The following STXBP5L variants were observed in gnomAD, a reference collection of about 807,000 sequenced individuals.
STXBP5L encodes the protein syntaxin binding protein 5L.
A neutral mutation model predicts 144.5 loss-of-function variants in STXBP5L; 65 were observed. The observed-to-expected ratio is 0.45, with a 90% CI of 0.37 to 0.55. The LOEUF is 0.55. Ranked by LOEUF, STXBP5L falls within the 20% of genes least tolerant of loss-of-function variation. The probability of loss-of-function intolerance (pLI) is 0.00; values close to 1 mark genes in which losing one functional copy is unlikely to be tolerated. For synonymous variants in STXBP5L, 505 were observed against 469.6 expected (o/e 1.08, Z -0.97); for missense variants, 1,298 against 1,405.5 (o/e 0.92, Z 1.22).
In STXBP5L at chr3:121,090,116, A is replaced by G. The variant is rs1051572099; in HGVS notation, c.471-24809A>G. Among the ~76,000 whole-genome samples, 16 of 152,288 alleles carry G rather than the reference A, an allele frequency of 1.1e-4. No homozygotes were observed. The East Asian group carries it at 3.1e-3, about 29-fold the overall frequency. ...TGAGGTTTTTCTATTTCCTATTATA[A>G]TAAGTGATTTTTAAATTAAAACCTG... On this transcript the variant is annotated intron_variant, in intron 5 of 26. Coordinates refer to ENST00000471454, the MANE Select transcript of STXBP5L (RefSeq NM_001308330.2).
At chr3:121,159,936 T>G (rs954374740) in intron 9 of STXBP5L, among the ~76,000 whole-genome samples, 4 of 152,078 alleles carry the variant, frequency 2.6e-5, no homozygotes, top group Non-Finnish European at 4.4e-5. Flanking sequence ...CCGGCCGACA[T>G]TTTCTAATTG....
chr3:121,207,916 A>T (rs981299412), intron 10 of STXBP5L, among the ~76,000 whole-genome samples: 4 of 152,178 alleles, frequency 2.6e-5, no homozygotes, highest in East Asian at 3.9e-4. Context: ...ATTGTGGAAG[A>T]CAGTGTGGCG....
At position 121,318,474 on chromosome 3, in the gene STXBP5L, G is replaced by A. The variant is rs866849552; in HGVS notation, c.2111-1G>A. On this transcript the variant is annotated splice_acceptor_variant, in intron 19 of 26. Coordinates refer to ENST00000471454, the MANE Select transcript of STXBP5L (RefSeq NM_001308330.2). LOFTEE classifies it high-confidence loss of function. ...CTCATTTTTTTTCATTGTATTTTCA[G>A]GTTTAACTGAACTGAATGACAGTCC... is the stretch of plus-strand genomic sequence containing the variant. 6.4e-7 allele frequency: 1 copy of A among 1,550,706 alleles called. No homozygotes were observed. The highest frequency in any genetic ancestry group is 8.7e-7 in the Non-Finnish European group (1 of 1,151,862).
At chr3:121,288,742 C>T (rs779329374) in intron 19 of STXBP5L, among the ~76,000 whole-genome samples, 14 of 151,882 alleles carry the variant, frequency 9.2e-5, no homozygotes, top group Non-Finnish European at 1.9e-4. Flanking sequence ...AGTATTAAAC[C>T]TTTGTTGGAT....
chr3:121,344,061 A>G (rs1424093466), intron 20 of STXBP5L, among the ~76,000 whole-genome samples: 6 of 151,978 alleles, frequency 3.9e-5, no homozygotes, highest in Non-Finnish European at 5.9e-5. Flanking sequence ...ATATAGATCA[A>G]TGGAACACAA....
chr3:121,298,637 A>G (rs924702271), intron 19 of STXBP5L, among the ~76,000 whole-genome samples: 1 of 152,192 alleles, frequency 6.6e-6, no homozygotes, highest in Non-Finnish European at 1.5e-5. Flanking sequence ...ACATTACACT[A>G]GATGAAATAA....
At chr3:121,293,089 A>G (rs1443338355) in intron 19 of STXBP5L, among the ~76,000 whole-genome samples, 1 of 152,252 alleles carries the variant, frequency 6.6e-6, no homozygotes, top group Admixed American at 6.5e-5. Flanking sequence ...AAGTAAATGG[A>G]TAAACAAATT....
chr3:121,187,128 G>GCA (rs2047417684), intron 9 of STXBP5L, among the ~76,000 whole-genome samples: 1 of 152,054 alleles, frequency 6.6e-6, no homozygotes, highest in Non-Finnish European at 1.5e-5. Flanking sequence ...TGTTTATGGT[G>GCA]GCACTATTCA....
intron 9 of STXBP5L, among the ~76,000 whole-genome samples, chr3:121,204,707 G>C (rs1267944103): frequency 2.1e-5 from 3 of 145,914 alleles, no homozygotes; most frequent in Admixed American, 6.9e-5. Context: ...GGTAATACAA[G>C]AATAAATAAG....
At chr3:121,043,437 G>A (rs1576755649) in intron 4 of STXBP5L, among the ~76,000 whole-genome samples, 1 of 151,868 alleles carries the variant, frequency 6.6e-6, no homozygotes, top group South Asian at 2.1e-4. Context: ...CTGGCCGGGC[G>A]CGGTGGCTCA....
At chr3:121,027,346 C>A (rs933553268) in intron 3 of STXBP5L, among the ~76,000 whole-genome samples, 1 of 152,008 alleles carries the variant, frequency 6.6e-6, no homozygotes, top group African/African-American at 2.4e-5. Context: ...ATATCAGGGT[C>A]AAGAGGAACT....
chr3:120,976,564 A>C (rs868361320), intron 3 of STXBP5L, among the ~76,000 whole-genome samples: 14 of 152,008 alleles, frequency 9.2e-5, no homozygotes, highest in Non-Finnish European at 1.6e-4. Context: ...CTCTGATTTT[A>C]GTTATTTCTT....
chr3:121,232,765 G>A (rs184197997), intron 11 of STXBP5L, among the ~76,000 whole-genome samples: 1 of 152,286 alleles, frequency 6.6e-6, no homozygotes, highest in East Asian at 1.9e-4. Flanking sequence ...GGAGACAGAT[G>A]TCAAATCTGT....
chr3:121,016,470 T>C (rs1560005556), intron 3 of STXBP5L, among the ~76,000 whole-genome samples: 2 of 152,180 alleles, frequency 1.3e-5, no homozygotes. Context: ...ATAAATGACT[T>C]TGATGTACGT....
intron 1 of STXBP5L, among the ~76,000 whole-genome samples, chr3:120,908,630 A>T (rs1380225704): frequency 6.7e-6 from 1 of 149,866 alleles, no homozygotes; most frequent in Non-Finnish European, 1.5e-5. Context: ...GGCCTGGGGG[A>T]GGGACAGCGG....
At chr3:121,275,197 A>G (rs1355563067) in intron 18 of STXBP5L, among the ~76,000 whole-genome samples, 1 of 151,818 alleles carries the variant, frequency 6.6e-6, no homozygotes, top group African/African-American at 2.4e-5. Context: ...AAACTTTCTT[A>G]TTTTTCAGAA....
intron 3 of STXBP5L, among the ~76,000 whole-genome samples, chr3:121,000,879 C>T (rs967917716): frequency 1.3e-5 from 2 of 152,156 alleles, no homozygotes; most frequent in African/African-American, 4.8e-5. Context: ...TTTCAGGAGG[C>T]CATGGCTCAA....
intron 24 of STXBP5L, among the ~76,000 whole-genome samples, chr3:121,415,199 T>A (rs971368937): frequency 3.9e-5 from 6 of 152,150 alleles, no homozygotes; most frequent in Non-Finnish European, 8.8e-5. Flanking sequence ...TAGAAAAAGC[T>A]GGGGAGCAAG....
chr3:121,368,480 G>A (rs1367411514), intron 20 of STXBP5L, among the ~76,000 whole-genome samples: 2 of 150,780 alleles, frequency 1.3e-5, no homozygotes, highest in African/African-American at 2.4e-5. Flanking sequence ...ACTTTTTCAG[G>A]GATAATTTCT....
Sources: allele counts gnomAD v4.1 joint callset (sites outside exome capture counted in the v4.1 genomes callset), GRCh38; gene constraint gnomAD v4.1.1; transcripts MANE v1.5; gene names NCBI Gene and HGNC (gene_info 2026-07-23, HGNC 2026-07-21).